Variants in GNL3L observed in about 807,000 individuals in gnomAD.
The protein encoded by GNL3L is G protein nucleolar 3 like, also known as guanine nucleotide-binding protein-like 3-like protein.
Under a neutral mutation model 42.9 loss-of-function variants are expected in GNL3L, and 4 were observed. The observed-to-expected ratio is 0.09, with a 90% confidence interval of 0.05 to 0.21. GNL3L has a LOEUF of 0.21. GNL3L is among the 10% of genes least tolerant of loss of function. GNL3L has a pLI of 1.00. For synonymous variants in GNL3L, 159 were observed against 176.3 expected (o/e 0.90, Z 0.78); for missense variants, 412 against 481.7 (o/e 0.86, Z 1.36).
In GNL3L at chrX:54,563,567, T is replaced by C. The variant is rs1262007128; in HGVS notation, c.*2965T>C. On this transcript the variant is annotated 3_prime_UTR_variant, in exon 16 of 16. Coordinates refer to ENST00000360845, the MANE Select transcript of GNL3L (RefSeq NM_001184819.2). Reference sequence around the variant, plus strand: ...GGGAGGCCGAGGCAGGCGGATCACTTGAGGTCAGGAGTTCAAGACCAGCCT... The same window carrying C: ...GGGAGGCCGAGGCAGGCGGATCACTCGAGGTCAGGAGTTCAAGACCAGCCT... 1.8e-5 allele frequency among the ~76,000 whole-genome samples: 2 copies of C among 111,191 alleles called. No individual in the cohort carries two copies. Among genetic ancestry groups the C allele is most frequent in the Non-Finnish European group, 3.8e-5 (2 of 53,099 alleles).
At chrX:54,572,580 G>C in intron 16 of GNL3L, among the ~76,000 whole-genome samples, 1 of 110,378 alleles carries the variant, frequency 9.1e-6, no homozygotes, top group Non-Finnish European at 1.9e-5. Flanking sequence ...CAGTAGGGGC[G>C]GCTGGGCAGA....
chrX:54,576,936 TAGG>T (rs1925643573), intron 16 of GNL3L, among the ~76,000 whole-genome samples: 1 of 111,853 alleles, frequency 8.9e-6, no homozygotes, highest in African/African-American at 3.2e-5. Flanking sequence ...TAACCATTTT[TAGG>T]AGAACAGTTC....
At chrX:54,603,955 G>A (rs1926030013) in intron 16 of GNL3L, among the ~76,000 whole-genome samples, 1 of 111,025 alleles carries the variant, frequency 9.0e-6, no homozygotes, top group African/African-American at 3.3e-5. Flanking sequence ...TGGGCAACAT[G>A]GTGAAACTCT....
intron 2 of GNL3L, among the ~76,000 whole-genome samples, chrX:54,537,026 CT>C (rs747450203): frequency 0.11 from 9,099 of 85,714 alleles, 814 homozygotes; most frequent in African/African-American, 0.28. Flanking sequence ...GGTTGTTAAT[CT>C]TTTTTTTTTT....
In GNL3L at chrX:54,543,228, A is replaced by G. The variant is rs755963762; in HGVS notation, c.412A>G (p.Ile138Val). Residue 138 changes from isoleucine to valine, a missense_variant, in exon 7 of 16, where the codon ATT becomes GTT. Ile to Val is a conservative substitution (Grantham distance 29). Coordinates refer to ENST00000360845, the MANE Select transcript of GNL3L (RefSeq NM_001184819.2). ...FRKVVEYSDV[I>V]LEVLDARDPL... ...GCAGGTGGTGGAATACTCTGATGTG[A>G]TTCTGGAAGTCCTGGATGCCAGAGA... The G allele has an allele frequency of 1.9e-5, 23 of 1,207,849 alleles. No homozygotes were observed. In the South Asian group the frequency reaches 4.1e-4, roughly 21 times the overall value.
intron 5 of GNL3L, among the ~76,000 whole-genome samples, chrX:54,541,650 G>A (rs973024928): frequency 1.2e-4 from 13 of 110,156 alleles, no homozygotes; most frequent in Admixed American, 1.1e-3. Context: ...GGCTGGTGGC[G>A]GAGTTGGGGG....
chrX:54,556,192 A>G (rs1469346609), intron 14 of GNL3L, among the ~76,000 whole-genome samples: 2 of 111,193 alleles, frequency 1.8e-5, no homozygotes, highest in African/African-American at 6.5e-5. Context: ...TTTATAAAGG[A>G]AAGAGATTTA....
intron 16 of GNL3L, among the ~76,000 whole-genome samples, chrX:54,595,225 C>G (rs1230042796): frequency 1.8e-5 from 2 of 111,599 alleles, no homozygotes; most frequent in East Asian, 5.6e-4. Flanking sequence ...TGAAATCCCT[C>G]AGCTTTTGTT....
chrX:54,630,730 T>TTCTTTC, the GNL3L span, among the ~76,000 whole-genome samples: 1 of 84,507 alleles, frequency 1.2e-5, no homozygotes, highest in Admixed American at 1.3e-4. Flanking sequence ...CTTTCTTTCT[T>TTCTTTC]TCTTTCTTTC....
intron 15 of GNL3L, 122 bp downstream of exon 15, chrX:54,558,777 T>G: frequency 2.0e-6 from 1 of 491,506 alleles, no homozygotes; most frequent in South Asian, 3.2e-5. Flanking sequence ...CTGCCTCAGC[T>G]TCCTGAGTAG....
rs1926094529 is a variant in GNL3L, at chrX:54,607,072, CTCTTTCTTTCT to C, written c.*46-13760_*46-13750del. Among the ~76,000 whole-genome samples, 77 of 22,829 alleles carry C rather than the reference CTCTTTCTTTCT, an allele frequency of 3.4e-3. 1 individual carries two copies. Among genetic ancestry groups the C allele is most frequent in the African/African-American group, 0.01 (66 of 6,396 alleles). The allele number at this position is 22,829 out of a possible 115,157, so 19.8% of individuals were successfully genotyped here. A position where few individuals can be genotyped will look rare whatever the true frequency, so the allele number is the denominator to read the frequency against. The stretch of plus-strand genomic sequence containing the variant: ...TCTTTCTTTCTTTCTTTCTTTCTTT[CTCTTTCTTTCT>C]TCTTTCTTTCTTTCTTTCTTTCTTT... On this transcript the variant is annotated intron_variant, in intron 16 of 16. Transcript: ENST00000674498.
intron 16 of GNL3L, among the ~76,000 whole-genome samples, chrX:54,607,329 C>A: frequency 1.0e-5 from 1 of 99,667 alleles, no homozygotes; most frequent in Non-Finnish European, 2.0e-5. Context: ...AGCAGAAGGG[C>A]AGAAAGAAAA....
intron 16 of GNL3L, among the ~76,000 whole-genome samples, chrX:54,607,225 G>A (rs866525236): frequency 2.1e-5 from 2 of 95,379 alleles, no homozygotes; most frequent in African/African-American, 7.8e-5. Flanking sequence ...ACCCAAAGTC[G>A]GAAATGTAGT....
chrX:54,604,883 G>C (rs1428524454), intron 16 of GNL3L, among the ~76,000 whole-genome samples: 1 of 111,828 alleles, frequency 8.9e-6, no homozygotes, highest in African/African-American at 3.2e-5. Flanking sequence ...AAACGGATGA[G>C]TACGTGTAAA....
chrX:54,565,863 C>T lies in GNL3L; in HGVS notation c.*5261C>T, dbSNP rs1356791777. On this transcript the variant is annotated 3_prime_UTR_variant, in exon 16 of 16. Coordinates refer to ENST00000360845, the MANE Select transcript of GNL3L (RefSeq NM_001184819.2). ...TTTTTTTTGAAACAGAGTCCTCACC[C>T]AGGTTGGAGTGTAGTGGTGCAATCT... Among the ~76,000 whole-genome samples the T allele has an allele frequency of 9.9e-6, 1 of 100,597 alleles. No homozygotes were observed. Among genetic ancestry groups the T allele is most frequent in the African/African-American group, 3.8e-5 (1 of 26,192 alleles). The allele number at this position is 100,597 out of a possible 115,157, so 87.4% of individuals were successfully genotyped here.
At chrX:54,580,186 C>G (rs1343889571) in intron 16 of GNL3L, among the ~76,000 whole-genome samples, 1 of 75,750 alleles carries the variant, frequency 1.3e-5, no homozygotes, top group African/African-American at 5.4e-5. Context: ...GTGTGATGTT[C>G]CCCTTCCTGT....
chrX:54,540,893 G>A (rs1305041350), intron 4 of GNL3L, among the ~76,000 whole-genome samples: 2 of 110,984 alleles, frequency 1.8e-5, no homozygotes, highest in Non-Finnish European at 1.9e-5. Context: ...CTGACCTCAG[G>A]TGATCCACCT....
chrX:54,578,831 G>A (rs1262280973), intron 16 of GNL3L, among the ~76,000 whole-genome samples: 2 of 112,213 alleles, frequency 1.8e-5, no homozygotes, highest in Non-Finnish European at 3.8e-5. Flanking sequence ...ATTGGCAACT[G>A]CAAAAATGTA....
At chrX:54,576,610 G>A (rs1455552151) in intron 16 of GNL3L, among the ~76,000 whole-genome samples, 1 of 110,412 alleles carries the variant, frequency 9.1e-6, no homozygotes, top group East Asian at 2.8e-4. Context: ...GGGATTTCAG[G>A]CACCCACCAC....
Sources: allele counts gnomAD v4.1 joint callset (sites outside exome capture counted in the v4.1 genomes callset), GRCh38; gene constraint gnomAD v4.1.1; transcripts MANE v1.5; gene names NCBI Gene and HGNC (gene_info 2026-07-23, HGNC 2026-07-21).